Variants in NBEA observed in about 807,000 individuals in gnomAD.
The protein encoded by NBEA is neurobeachin, also known as lysosomal-trafficking regulator 2.
In NBEA, 44 loss-of-function variants were observed where a neutral mutation model predicts 343.4. The observed-to-expected ratio is 0.13, with a 90% confidence interval of 0.10 to 0.16. NBEA has a LOEUF of 0.16. Among genes scored for constraint, NBEA ranks in the 10% least tolerant of loss-of-function variants. The pLI is 1.00. For missense variants in NBEA, 2,555 were observed against 3,631.3 expected, an observed-to-expected ratio of 0.70 and a Z score of 7.62; for synonymous variants, 1,175 against 1,238.7, an observed-to-expected ratio of 0.95 and a Z score of 1.08.
At chr13:35,387,970 G>C (rs893524341) in intron 38 of NBEA, among the ~76,000 whole-genome samples, 2 of 152,036 alleles carry the variant, frequency 1.3e-5, no homozygotes, top group African/African-American at 2.4e-5. Context: ...TCTTAATAGA[G>C]GAAAATCTTT....
intron 38 of NBEA, among the ~76,000 whole-genome samples, chr13:35,399,003 T>G (rs890312774): frequency 6.6e-6 from 1 of 152,156 alleles, no homozygotes; most frequent in African/African-American, 2.4e-5. Flanking sequence ...AGCTAGATCA[T>G]TATATAACTT....
At chr13:35,139,762 T>TTTG (rs1403537280) in intron 17 of NBEA, among the ~76,000 whole-genome samples, 2 of 146,900 alleles carry the variant, frequency 1.4e-5, no homozygotes, top group Non-Finnish European at 3.0e-5. Context: ...TTTTTTTTTT[T>TTTG]TTTTTTTTTT....
chr13:35,183,922 T>C, intron 29 of NBEA, 54 bp from the exon 30 acceptor site: 2 of 1,270,608 alleles, frequency 1.6e-6, no homozygotes, highest in African/African-American at 1.5e-5. Flanking sequence ...CAGTGGACCA[T>C]GTGGCAGGTT....
intron 17 of NBEA, among the ~76,000 whole-genome samples, chr13:35,126,782 G>T (rs1440773923): frequency 6.6e-6 from 1 of 152,024 alleles, no homozygotes; most frequent in Non-Finnish European, 1.5e-5. Context: ...GCCGGGCATG[G>T]TGGCAGGTGC....
intron 34 of NBEA, among the ~76,000 whole-genome samples, chr13:35,271,030 G>A (rs981860682): frequency 5.3e-5 from 8 of 152,222 alleles, no homozygotes; most frequent in Admixed American, 1.3e-4. Context: ...CTCCGATAAC[G>A]GACAGACTGC....
chr13:35,292,952 T>G (rs2035892088), intron 35 of NBEA, among the ~76,000 whole-genome samples: 1 of 151,984 alleles, frequency 6.6e-6, no homozygotes, highest in Non-Finnish European at 1.5e-5. Flanking sequence ...AATATTGTGT[T>G]TTTTATAGGA....
intron 44 of NBEA, among the ~76,000 whole-genome samples, chr13:35,556,437 A>T (rs1002988305): frequency 1.2e-4 from 18 of 151,986 alleles, no homozygotes; most frequent in African/African-American, 3.9e-4. Context: ...TTAATATTTT[A>T]ATAGCAATAT....
intron 34 of NBEA, among the ~76,000 whole-genome samples, chr13:35,254,900 AT>A (rs895768979): frequency 5.4e-4 from 82 of 151,882 alleles, no homozygotes; most frequent in Admixed American, 2.0e-3. Context: ...TTAAAATAAT[AT>A]TTTTTTAATA....
chr13:34,970,776 A>G (rs2059972962), intron 1 of NBEA, among the ~76,000 whole-genome samples: 1 of 152,004 alleles, frequency 6.6e-6, no homozygotes, highest in South Asian at 2.1e-4. Flanking sequence ...TGGTTAATGT[A>G]GCTCTGTATT....
intron 17 of NBEA, among the ~76,000 whole-genome samples, chr13:35,141,528 G>A (rs955628260): frequency 2.0e-5 from 3 of 152,180 alleles, no homozygotes; most frequent in African/African-American, 7.2e-5. Flanking sequence ...GCCTCTGAAA[G>A]TGCTGGGATT....
intron 41 of NBEA, among the ~76,000 whole-genome samples, chr13:35,517,020 T>G (rs1251286292): frequency 6.6e-6 from 1 of 152,208 alleles, no homozygotes; most frequent in Non-Finnish European, 1.5e-5. Flanking sequence ...GTCTATCCTA[T>G]ATCTTAACAT....
chr13:35,584,316 T>C (rs922383592), intron 46 of NBEA, among the ~76,000 whole-genome samples: 1 of 106,264 alleles, frequency 9.4e-6, no homozygotes, highest in African/African-American at 3.6e-5. Context: ...GTACATACCT[T>C]TTTTTTTTTT....
At chr13:34,956,543 TTGTA>T (rs2152487531) in intron 1 of NBEA, among the ~76,000 whole-genome samples, 1 of 152,270 alleles carries the variant, frequency 6.6e-6, no homozygotes, top group South Asian at 2.1e-4. Context: ...TGACACATAA[TTGTA>T]TGTATTTCTG....
Position 35,052,042 on chromosome 13 carries a change from A to G in NBEA, c.972+1647A>G, listed in dbSNP as rs540624613. 2.0e-5 allele frequency among the ~76,000 whole-genome samples: 3 copies of G among 152,168 alleles called. No homozygotes were observed. The South Asian group carries it at 6.2e-4, about 31-fold the overall frequency. On this transcript the variant is annotated intron_variant, in intron 6 of 58. Transcript: ENST00000379939. ...CACATTCTCCTTTGTAAAGCTCTCA[A>G]TATGCAGTGAATCTAAGGGGTCTAG...
At chr13:35,294,509 C>T (rs537389490) in intron 35 of NBEA, among the ~76,000 whole-genome samples, 9 of 151,790 alleles carry the variant, frequency 5.9e-5, no homozygotes, top group Non-Finnish European at 8.8e-5. Flanking sequence ...GTTTTTTCCC[C>T]GTTGTCTTTG....
chr13:35,346,124 C>G (rs1360538194), intron 36 of NBEA, among the ~76,000 whole-genome samples: 1 of 152,070 alleles, frequency 6.6e-6, no homozygotes, highest in Non-Finnish European at 1.5e-5. Context: ...TACAAAGCCT[C>G]CACCCCCACA....
At chr13:35,041,709 A>C (rs1027947463) in intron 2 of NBEA, among the ~76,000 whole-genome samples, 2 of 151,994 alleles carry the variant, frequency 1.3e-5, no homozygotes, top group African/African-American at 4.8e-5. Flanking sequence ...AAGAATTTCA[A>C]GATAAAAATA....
intron 1 of NBEA, among the ~76,000 whole-genome samples, chr13:34,967,333 AT>A (rs955789416): frequency 4.7e-5 from 7 of 149,866 alleles, no homozygotes; most frequent in South Asian, 4.2e-4. Context: ...TTTAAGTACT[AT>A]TTTTTTCTTT....
chr13:35,408,685 G>A (rs201452672), intron 38 of NBEA, among the ~76,000 whole-genome samples: 1 of 148,018 alleles, frequency 6.8e-6, no homozygotes, highest in Non-Finnish European at 1.5e-5. Context: ...AATTAAAAAT[G>A]GGAAAGAACA....
Sources: allele counts gnomAD v4.1 joint callset (sites outside exome capture counted in the v4.1 genomes callset), GRCh38; gene constraint gnomAD v4.1.1; transcripts MANE v1.5; gene names NCBI Gene and HGNC (gene_info 2026-07-23, HGNC 2026-07-21).